Variants in WDPCP observed in about 807,000 individuals in gnomAD.
The protein encoded by WDPCP is WD repeat containing planar cell polarity effector.
A neutral mutation model predicts 93.1 loss-of-function variants in WDPCP; 71 were observed. The ratio of observed to expected loss-of-function variants is 0.76; its 90% CI spans 0.63 to 0.93. WDPCP has a LOEUF of 0.93. WDPCP is among the 40% of genes least tolerant of loss of function. WDPCP has a pLI of 0.00. For synonymous variants in WDPCP, 315 were observed against 315.0 expected (o/e 1.00, Z 0.00); for missense variants, 844 against 887.4 (o/e 0.95, Z 0.62).
intron 3 of WDPCP, among the ~76,000 whole-genome samples, chr2:63,644,495 G>A (rs978202708): frequency 3.3e-5 from 5 of 152,074 alleles, no homozygotes; most frequent in African/African-American, 1.2e-4. Context: ...ACCCACCTCG[G>A]CCTCCCAAAG....
intron 1 of WDPCP, among the ~76,000 whole-genome samples, chr2:63,542,062 A>C (rs994587314): frequency 4.6e-5 from 7 of 152,188 alleles, no homozygotes; most frequent in African/African-American, 1.7e-4. Flanking sequence ...TAGTCATTAA[A>C]AGGATTATCC....
At chr2:63,309,531 AATAGT>A (rs1464007046) in intron 13 of WDPCP, among the ~76,000 whole-genome samples, 1 of 152,146 alleles carries the variant, frequency 6.6e-6, no homozygotes, top group Non-Finnish European at 1.5e-5. Context: ...AATAGTCTAC[AATAGT>A]AGTTGGAGAC....
intron 6 of WDPCP, among the ~76,000 whole-genome samples, chr2:63,444,202 T>C (rs1697691307): frequency 6.6e-6 from 1 of 152,174 alleles, no homozygotes; most frequent in African/African-American, 2.4e-5. Flanking sequence ...GAACCTGAGT[T>C]TGGATACTTG....
At chr2:63,466,185 T>G (rs1699334658) in intron 6 of WDPCP, among the ~76,000 whole-genome samples, 1 of 152,200 alleles carries the variant, frequency 6.6e-6, no homozygotes, top group Admixed American at 6.6e-5. Context: ...ACTTCTTCAC[T>G]GTGGAGAGCC....
intron 14 of WDPCP, among the ~76,000 whole-genome samples, chr2:63,255,013 T>C (rs1292325314): frequency 6.6e-6 from 1 of 152,128 alleles, no homozygotes; most frequent in Admixed American, 6.6e-5. Flanking sequence ...ACGATATTAA[T>C]AGAACAAAGG....
At chr2:63,566,269 T>G (rs1707046560) in intron 1 of WDPCP, among the ~76,000 whole-genome samples, 1 of 152,232 alleles carries the variant, frequency 6.6e-6, no homozygotes, top group Non-Finnish European at 1.5e-5. Flanking sequence ...CTCACTGAGA[T>G]AGATGGATAT....
At chr2:63,193,958 T>C (rs1029697732) in intron 14 of WDPCP, among the ~76,000 whole-genome samples, 5 of 152,202 alleles carry the variant, frequency 3.3e-5, no homozygotes, top group African/African-American at 1.2e-4. Context: ...TAATGACTTC[T>C]ACTTACTGGT....
the WDPCP span, chr2:63,840,822 T>G: frequency 6.6e-5 from 10 of 152,510 alleles, no homozygotes; most frequent in Admixed American, 2.0e-4. Flanking sequence ...CCCCGCGTAC[T>G]GCTCAGTGCC....
intron 6 of WDPCP, among the ~76,000 whole-genome samples, chr2:63,460,917 C>A (rs565618255): frequency 6.6e-6 from 1 of 151,968 alleles, no homozygotes; most frequent in Non-Finnish European, 1.5e-5. Flanking sequence ...TGAGCCACTG[C>A]GCCCAGCCAC....
intron 2 of WDPCP, among the ~76,000 whole-genome samples, chr2:63,707,299 C>T (rs988797398): frequency 6.6e-6 from 1 of 152,158 alleles, no homozygotes; most frequent in Non-Finnish European, 1.5e-5. Flanking sequence ...CACATAGTCC[C>T]ATATTTCTTG....
chr2:63,494,537 C>T (rs934332732), intron 1 of WDPCP, among the ~76,000 whole-genome samples: 5 of 152,130 alleles, frequency 3.3e-5, no homozygotes, highest in Non-Finnish European at 7.3e-5. Context: ...CACAGACTAG[C>T]TCCGGAGTCT....
At chr2:63,385,547 A>T (rs183821929) in intron 10 of WDPCP, among the ~76,000 whole-genome samples, 2 of 152,244 alleles carry the variant, frequency 1.3e-5, no homozygotes, top group Admixed American at 1.3e-4. Flanking sequence ...CTTAGGGATA[A>T]ATATAACAAA....
At chr2:63,374,879 C>G (rs945616335) in intron 12 of WDPCP, among the ~76,000 whole-genome samples, 1 of 152,020 alleles carries the variant, frequency 6.6e-6, no homozygotes, top group African/African-American at 2.4e-5. Context: ...TGTTACATTA[C>G]AAAGGAAAAT....
At chr2:63,403,370 C>G (rs955925618) in intron 10 of WDPCP, among the ~76,000 whole-genome samples, 4 of 151,922 alleles carry the variant, frequency 2.6e-5, no homozygotes, top group Admixed American at 2.6e-4. Context: ...AGCAAACCCC[C>G]GTGACACGTT....
chr2:63,742,361 CTTAA>C (rs1006217395), intron 2 of WDPCP, among the ~76,000 whole-genome samples: 2 of 151,784 alleles, frequency 1.3e-5, no homozygotes, highest in African/African-American at 2.4e-5. Flanking sequence ...TAGTGGTCCT[CTTAA>C]TTAAAGTGCC....
chr2:63,359,023 A>G (rs575379234), intron 12 of WDPCP, among the ~76,000 whole-genome samples: 3 of 151,900 alleles, frequency 2.0e-5, no homozygotes, highest in African/African-American at 4.8e-5. Context: ...TCTTATTTCT[A>G]TGTATACCTA....
intron 2 of WDPCP, among the ~76,000 whole-genome samples, chr2:63,671,625 G>A (rs1710349344): frequency 1.3e-5 from 2 of 151,938 alleles, no homozygotes; most frequent in Non-Finnish European, 1.5e-5. Context: ...TCGGCTCACT[G>A]CAACCTCCAC....
chr2:63,614,193 A>C (rs1447007586), intron 3 of WDPCP, among the ~76,000 whole-genome samples: 2 of 151,914 alleles, frequency 1.3e-5, no homozygotes, highest in Non-Finnish European at 2.9e-5. Context: ...CACATCCCCC[A>C]TTCCCTCTCC....
chr2:63,472,818 C>A (rs927671796), intron 6 of WDPCP, among the ~76,000 whole-genome samples: 11 of 152,222 alleles, frequency 7.2e-5, no homozygotes, highest in Admixed American at 5.2e-4. Context: ...CCTTGGCCCC[C>A]CAAAGTGCTA....
Sources: gnomAD v4.1 joint callset for allele counts (sites outside exome capture counted in the v4.1 genomes callset) on GRCh38, gnomAD v4.1.1 for gene constraint, MANE v1.5 for transcripts, NCBI Gene and HGNC (gene_info 2026-07-23, HGNC 2026-07-21) for gene names.